The following PGM2L1 variants were observed in gnomAD, a reference collection of about 807,000 sequenced individuals.
PGM2L1 encodes the protein glucose 1,6-bisphosphate synthase.
PGM2L1 carries 35 observed loss-of-function variants against 73.4 expected under a neutral mutation model. That is an observed-to-expected ratio of 0.48 (90% CI 0.36 to 0.63). PGM2L1 has a LOEUF of 0.63. Among genes scored for constraint, PGM2L1 ranks in the 30% least tolerant of loss-of-function variants. The pLI, the probability that PGM2L1 is intolerant of heterozygous loss-of-function variation, is 0.00. For missense variants in PGM2L1, 570 were observed against 742.0 expected (o/e 0.77, Z 2.69); for synonymous variants, 225 against 253.8 (o/e 0.89, Z 1.08).
chr11:74,362,614 T>A (rs1407022824), intron 5 of PGM2L1, among the ~76,000 whole-genome samples: 5 of 151,824 alleles, frequency 3.3e-5, no homozygotes, highest in Non-Finnish European at 7.4e-5. Context: ...GGATAAAGAG[T>A]CAAGACCCAT....
At chr11:74,355,279 C>T (rs549364082) in intron 5 of PGM2L1, 14 of 990,758 alleles carry the variant, frequency 1.4e-5, no homozygotes, top group South Asian at 5.1e-5. Context: ...CTCAGCCAGG[C>T]GTGGTGGCTC....
At chr11:74,377,165 C>T (rs1285653774) in intron 1 of PGM2L1, among the ~76,000 whole-genome samples, 1 of 147,238 alleles carries the variant, frequency 6.8e-6, no homozygotes, top group Non-Finnish European at 1.5e-5. Flanking sequence ...GACGGAGTCT[C>T]GCTCTGTCAC....
intron 6 of PGM2L1, 26 bp from the exon 7 acceptor site, chr11:74,347,363 C>G (rs1389738544): frequency 6.6e-7 from 1 of 1,519,460 alleles, no homozygotes; most frequent in Non-Finnish European, 8.9e-7. Context: ...AACATAAGAT[C>G]ATGATTACAA....
At chr11:74,386,077 C>T (rs917600638) in intron 1 of PGM2L1, among the ~76,000 whole-genome samples, 1 of 151,912 alleles carries the variant, frequency 6.6e-6, no homozygotes, top group Non-Finnish European at 1.5e-5. Context: ...TAATTATGTT[C>T]TACGTGATAA....
chr11:74,384,990 T>C (rs1862999755), intron 1 of PGM2L1, among the ~76,000 whole-genome samples: 1 of 152,238 alleles, frequency 6.6e-6, no homozygotes, highest in Non-Finnish European at 1.5e-5. Context: ...TGGGCAAAAG[T>C]GGCCCCCTAA....
At chr11:74,383,390 A>G (rs1320781175) in intron 1 of PGM2L1, among the ~76,000 whole-genome samples, 2 of 152,204 alleles carry the variant, frequency 1.3e-5, no homozygotes, top group Non-Finnish European at 2.9e-5. Flanking sequence ...ATAGGGAAGG[A>G]TTACTTATGT....
At position 74,342,512 on chromosome 11, in the gene PGM2L1, A is replaced by T. The variant is rs142735059; in HGVS notation, c.1581T>A (p.His527Gln). ...PKFCGTFAIL[H>Q]VRDVTTGYDS... ...CATATCCAGTGGTAACGTCCCGTAC[A>T]TGCAATATAGCAAATGTTCCACAAA... Residue 527 changes from histidine (H) to glutamine (Q), a missense_variant, in exon 12 of 14, where the codon CAT becomes CAA. Transcript: ENST00000298198. The T allele has an allele frequency of 2.5e-6, 4 of 1,608,104 alleles. No homozygotes were observed. The African/African-American group carries it at 4.0e-5, about 16-fold the overall frequency.
intron 1 of PGM2L1, among the ~76,000 whole-genome samples, chr11:74,378,579 A>G (rs1862891500): frequency 6.6e-6 from 1 of 152,170 alleles, no homozygotes; most frequent in African/African-American, 2.4e-5. Context: ...AAAAAGCCAT[A>G]CATTATTTTC....
Position 74,338,579 on chromosome 11 carries a change from C to T in PGM2L1, c.1655G>A (p.Ser552Asn), listed in dbSNP as rs534083778. 28 of 1,603,440 alleles carry T rather than the reference C, an allele frequency of 1.7e-5. No individual in the cohort carries two copies. In the Admixed American group the frequency reaches 4.2e-4, roughly 24 times the overall value. Residue 552 changes from serine (S) to asparagine (N), a missense_variant, in exon 13 of 14, where the codon AGC becomes AAC. Coordinates refer to ENST00000298198, the MANE Select transcript of PGM2L1 (RefSeq NM_173582.6). ...KKSVLPVSKN[S>N]QMITFTFQNG... The stretch of plus-strand genomic sequence containing the variant: ...TTGAAAAGTAAATGTAATCATTTGG[C>T]TGTTTTTACTCACAGGCAGCACCTA...
At chr11:74,372,827 C>A (rs1272484965) in intron 2 of PGM2L1, among the ~76,000 whole-genome samples, 1 of 152,152 alleles carries the variant, frequency 6.6e-6, no homozygotes, top group Non-Finnish European at 1.5e-5. Flanking sequence ...CTGAGTCTCT[C>A]AAGTACAATT....
Position 74,330,739 on chromosome 11 carries a change from A to G in PGM2L1, c.*5913T>C, listed in dbSNP as rs547702142. ...GACTCACTTGGAAGGTAGTGCTACT[A>G]GGCTCAAAATGACACTTAGACTAGT... On this transcript the variant is annotated 3_prime_UTR_variant, in exon 14 of 14. Coordinates refer to ENST00000298198, the MANE Select transcript of PGM2L1 (RefSeq NM_173582.6). The G allele has an allele frequency of 6.5e-6, 1 of 152,754 alleles. No individual in the cohort carries two copies. The highest frequency in any genetic ancestry group is 2.4e-5 in the African/African-American group (1 of 41,580). 9.5% of individuals were successfully genotyped at this position (152,754 alleles called of 1,614,324 possible).
At chr11:74,377,204 G>A (rs965438099) in intron 1 of PGM2L1, among the ~76,000 whole-genome samples, 3 of 150,222 alleles carry the variant, frequency 2.0e-5, no homozygotes, top group South Asian at 2.1e-4. Flanking sequence ...GCGCGATCTC[G>A]GCTCACTGCA....
intron 5 of PGM2L1, among the ~76,000 whole-genome samples, chr11:74,364,444 A>G (rs1306958264): frequency 6.6e-6 from 1 of 152,226 alleles, no homozygotes; most frequent in Non-Finnish European, 1.5e-5. Context: ...TGCACATGAC[A>G]TGATTGTATA....
At chr11:74,384,317 G>C (rs1022430703) in intron 1 of PGM2L1, among the ~76,000 whole-genome samples, 3 of 151,734 alleles carry the variant, frequency 2.0e-5, no homozygotes, top group African/African-American at 7.3e-5. Flanking sequence ...TTTACTTTTT[G>C]TATTATTTTC....
At chr11:74,393,150 T>A (rs955288583) in intron 1 of PGM2L1, among the ~76,000 whole-genome samples, 1 of 152,170 alleles carries the variant, frequency 6.6e-6, no homozygotes, top group African/African-American at 2.4e-5. Flanking sequence ...CAAAAATAAA[T>A]TCAAGGAATA....
chr11:74,372,881 T>C (rs1862792703), intron 2 of PGM2L1, among the ~76,000 whole-genome samples: 1 of 152,248 alleles, frequency 6.6e-6, no homozygotes, highest in African/African-American at 2.4e-5. Context: ...ATGCTTAGTA[T>C]ATCAGCTGGA....
At position 74,336,689 on chromosome 11, in the gene PGM2L1, T is replaced by C. The variant is rs1862101362; in HGVS notation, c.1832A>G (p.Gln611Arg). The C allele has an allele frequency of 4.1e-5, 66 of 1,612,782 alleles. No individual in the cohort carries two copies. Among genetic ancestry groups the C allele is most frequent in the Non-Finnish European group, 5.4e-5 (64 of 1,179,178 alleles). Residue 611 changes from glutamine to arginine, a missense_variant, in exon 14 of 14, where the codon CAG becomes CGG. Coordinates refer to ENST00000298198, the MANE Select transcript of PGM2L1 (RefSeq NM_173582.6). ...LIDALIENFL[Q>R]PSKNGLIWRS... is the part of the protein sequence containing the mutation. The stretch of plus-strand genomic sequence containing the variant: ...CCAGATCAGTCCATTCTTACTAGGC[T>C]GAAGAAAATTCTCTATCAGAGCATC...
intron 1 of PGM2L1, among the ~76,000 whole-genome samples, chr11:74,392,347 AG>A (rs1292976972): frequency 2.0e-5 from 3 of 152,290 alleles, no homozygotes; most frequent in South Asian, 4.1e-4. Flanking sequence ...GGAAGTATAA[AG>A]AAAAAAATGA....
At chr11:74,364,901 T>C (rs753733052) in intron 5 of PGM2L1, among the ~76,000 whole-genome samples, 34 of 152,172 alleles carry the variant, frequency 2.2e-4, no homozygotes, top group Non-Finnish European at 3.1e-4. Context: ...GAGCCTGCAT[T>C]GCCAAGTCAA....
Sources: gnomAD v4.1 joint callset for allele counts (sites outside exome capture counted in the v4.1 genomes callset) on GRCh38, gnomAD v4.1.1 for gene constraint, MANE v1.5 for transcripts, NCBI Gene and HGNC (gene_info 2026-07-23, HGNC 2026-07-21) for gene names.